Variants in SASS6 observed in about 807,000 individuals in gnomAD.
SASS6 encodes spindle assembly abnormal protein 6 homolog.
A neutral mutation model predicts 94.9 loss-of-function variants in SASS6; 59 were observed. The observed-to-expected ratio is 0.62, with a 90% CI of 0.50 to 0.77. The LOEUF (loss-of-function observed/expected upper bound fraction) is 0.77, where lower values mean the gene tolerates loss of function less well. SASS6 is among the 30% of genes least tolerant of loss of function. The pLI, the probability that SASS6 is intolerant of heterozygous loss-of-function variation, is 0.00. For missense variants in SASS6, 698 were observed against 734.1 expected (o/e 0.95, Z 0.57); for synonymous variants, 264 against 270.0 (o/e 0.98, Z 0.22).
intron 7 of SASS6, among the ~76,000 whole-genome samples, chr1:100,116,445 T>C (rs1250987198): frequency 6.6e-6 from 1 of 152,184 alleles, no homozygotes; most frequent in African/African-American, 2.4e-5. Flanking sequence ...TAAACCGGTA[T>C]ACCTACCTAC....
At position 100,107,974 on chromosome 1, in the gene SASS6, A is replaced by C; in HGVS notation, c.892T>G (p.Ser298Ala). ...ELQRTKQEVL[S>A]LRRENSTLDV... is the part of the protein sequence containing the mutation. ...AGTGTAGAATTCTCTCTTCGCAAAGAGAGGACTTCTTGCTTAGTCCGCTGT... is the reference window on the plus strand; with the variant it reads ...AGTGTAGAATTCTCTCTTCGCAAAGCGAGGACTTCTTGCTTAGTCCGCTGT... The change falls in exon 9 of 17, where the codon TCT becomes GCT. Residue 298 changes from serine to alanine, a missense_variant. Ser to Ala is a moderately conservative substitution (Grantham distance 99). Coordinates refer to ENST00000287482, the MANE Select transcript of SASS6 (RefSeq NM_194292.3). The C allele has an allele frequency of 6.2e-7, 1 of 1,612,024 alleles. No individual in the cohort carries two copies. Among genetic ancestry groups the C allele is most frequent in the Non-Finnish European group, 8.5e-7 (1 of 1,178,916 alleles).
intron 14 of SASS6, among the ~76,000 whole-genome samples, chr1:100,094,284 G>C (rs887328477): frequency 1.3e-5 from 2 of 152,052 alleles, no homozygotes; most frequent in African/African-American, 4.8e-5. Context: ...ACATTCTATA[G>C]GTATTGAAAA....
At position 100,121,485 on chromosome 1, in the gene SASS6, C is replaced by T. The variant is rs368250737; in HGVS notation, c.376G>A (p.Val126Ile). Residue 126 changes from valine (V) to isoleucine (I), a missense_variant, in exon 5 of 17, where the codon GTA (valine) becomes ATA (isoleucine). Coordinates refer to ENST00000287482, the MANE Select transcript of SASS6 (RefSeq NM_194292.3). ...AGATGCTTAAAAGGATTTGTCTCTA[C>T]CACATTTAAAAATGCAGGTGAGTTA... ...LDNSPAFLNV[V>I]ETNPFKHLTH... is the part of the protein sequence containing the mutation. 4 of 1,597,578 alleles carry T rather than the reference C, an allele frequency of 2.5e-6. No homozygotes were observed. The African/African-American group carries it at 5.4e-5, about 21-fold the overall frequency.
intron 13 of SASS6, 140 bp from the exon 14 acceptor site, chr1:100,103,223 C>G: frequency 1.8e-6 from 1 of 559,260 alleles, no homozygotes; most frequent in South Asian, 2.3e-5. Flanking sequence ...GTTTATCATG[C>G]CACACAACTC....
chr1:100,111,404 C>T (rs980356773), intron 7 of SASS6, among the ~76,000 whole-genome samples: 1 of 152,018 alleles, frequency 6.6e-6, no homozygotes, highest in Non-Finnish European at 1.5e-5. Context: ...TCTTTAATAG[C>T]TACACAACAT....
chr1:100,115,635 G>A (rs1187052265), intron 7 of SASS6, among the ~76,000 whole-genome samples: 1 of 152,032 alleles, frequency 6.6e-6, no homozygotes, highest in African/African-American at 2.4e-5. Flanking sequence ...CAAGACCAGC[G>A]TGGGCAACAT....
intron 12 of SASS6, 46 bp from the exon 13 acceptor site, chr1:100,105,949 AT>A: frequency 7.8e-7 from 1 of 1,285,868 alleles, no homozygotes. Context: ...TTGACTGTTT[AT>A]TTTTCTAATC....
intron 14 of SASS6, among the ~76,000 whole-genome samples, chr1:100,093,174 C>CTTTTTTTTTTTTTT (rs909537970): frequency 3.4e-5 from 3 of 87,422 alleles, no homozygotes; most frequent in African/African-American, 4.5e-5. Context: ...CTATTGTTTT[C>CTTTTTTTTTTTTTT]TTTTTTTTTT....
At chr1:100,111,988 A>G (rs572841789) in intron 7 of SASS6, among the ~76,000 whole-genome samples, 4 of 152,272 alleles carry the variant, frequency 2.6e-5, no homozygotes, top group African/African-American at 7.2e-5. Flanking sequence ...TTGTTTAAAA[A>G]AAAAGTGTGA....
intron 6 of SASS6, among the ~76,000 whole-genome samples, chr1:100,119,872 T>C (rs899185527): frequency 2.0e-5 from 3 of 152,206 alleles, no homozygotes; most frequent in African/African-American, 7.2e-5. Context: ...TAAATCTCTT[T>C]TCTTTATAAA....
At chr1:100,113,804 T>C (rs1019622381) in intron 7 of SASS6, among the ~76,000 whole-genome samples, 4 of 151,732 alleles carry the variant, frequency 2.6e-5, no homozygotes, top group Admixed American at 1.3e-4. Flanking sequence ...ATAAGAGAAA[T>C]AATATGGAGA....
At chr1:100,093,445 T>G (rs1439222894) in intron 14 of SASS6, among the ~76,000 whole-genome samples, 1 of 152,184 alleles carries the variant, frequency 6.6e-6, no homozygotes, top group South Asian at 2.1e-4. Context: ...TAGTCTATCT[T>G]GGTTAGTGTT....
intron 8 of SASS6, 21 bp downstream of exon 8, chr1:100,110,271 A>G: frequency 2.1e-6 from 3 of 1,448,918 alleles, no homozygotes; most frequent in South Asian, 1.4e-5. Context: ...TTGGGGGAGG[A>G]AAAAAAACAA....
chr1:100,114,308 C>T (rs966953564), intron 7 of SASS6, among the ~76,000 whole-genome samples: 1 of 151,946 alleles, frequency 6.6e-6, no homozygotes, highest in South Asian at 2.1e-4. Context: ...ATACCATAGT[C>T]TATAACCCAC....
At chr1:100,125,459 T>C (rs192109428) in intron 2 of SASS6, among the ~76,000 whole-genome samples, 1 of 151,550 alleles carries the variant, frequency 6.6e-6, no homozygotes, top group East Asian at 1.9e-4. Context: ...GGTGGGCAGA[T>C]CACAAGGTCA....
At chr1:100,110,642 G>C (rs952724952) in intron 7 of SASS6, among the ~76,000 whole-genome samples, 159 bp from the exon 8 acceptor site, 1 of 150,902 alleles carries the variant, frequency 6.6e-6, no homozygotes, top group African/African-American at 2.4e-5. Context: ...TTCTGAAAAG[G>C]GTCTATTTTC....
At chr1:100,095,694 AAT>A (rs1302461305) in intron 14 of SASS6, among the ~76,000 whole-genome samples, 1 of 152,216 alleles carries the variant, frequency 6.6e-6, no homozygotes, top group Admixed American at 6.5e-5. Context: ...AAAAACCACT[AAT>A]GAGTATAATA....
intron 2 of SASS6, among the ~76,000 whole-genome samples, chr1:100,123,553 C>T (rs1654357766): frequency 6.6e-6 from 1 of 152,180 alleles, no homozygotes. Context: ...GAATATCCTC[C>T]TATCAGAGGC....
chr1:100,107,964 C>T lies in SASS6; in HGVS notation c.902G>A (p.Arg301Lys). 1 of 1,612,220 alleles carries T rather than the reference C, an allele frequency of 6.2e-7. No homozygotes were observed. The highest frequency in any genetic ancestry group is 8.5e-7 in the Non-Finnish European group (1 of 1,179,070). Residue 301 changes from arginine to lysine, a missense_variant, in exon 9 of 17, where the codon AGA (arginine) becomes AAA (lysine). Transcript: ENST00000287482. ...RTKQEVLSLRRENSTLDVECH... is the reference protein window; with the variant it reads ...RTKQEVLSLRKENSTLDVECH... ...TTCAACATCTAGTGTAGAATTCTCTCTTCGCAAAGAGAGGACTTCTTGCTT... is the reference window on the plus strand; with the variant it reads ...TTCAACATCTAGTGTAGAATTCTCTTTTCGCAAAGAGAGGACTTCTTGCTT...
Sources: gnomAD v4.1 joint callset for allele counts (sites outside exome capture counted in the v4.1 genomes callset) on GRCh38, gnomAD v4.1.1 for gene constraint, MANE v1.5 for transcripts, NCBI Gene and HGNC (gene_info 2026-07-23, HGNC 2026-07-21) for gene names.